FSTL5: variants seen among roughly 807,000 people sequenced by gnomAD.
FSTL5 encodes the protein follistatin like 5.
In FSTL5, 62 loss-of-function variants were observed where a neutral mutation model predicts 89.1. The ratio of observed to expected loss-of-function variants is 0.70; its 90% CI spans 0.57 to 0.86. The LOEUF (loss-of-function observed/expected upper bound fraction) is 0.86. Ranked by LOEUF, FSTL5 falls within the 40% of genes least tolerant of loss-of-function variation. The pLI is 0.00. For missense variants in FSTL5, 1,057 were observed against 1,001.6 expected, an observed-to-expected ratio of 1.06 and a Z score of -0.75; for synonymous variants, 383 against 346.2, an observed-to-expected ratio of 1.11 and a Z score of -1.18.
intron 1 of FSTL5, among the ~76,000 whole-genome samples, chr4:162,145,408 G>C (rs1274780092): frequency 6.6e-6 from 1 of 152,018 alleles, no homozygotes; most frequent in African/African-American, 2.4e-5. Context: ...AATATTTATA[G>C]TCATAATTGT....
rs553171454 is a variant in FSTL5, at chr4:162,033,626, T to G, written c.159A>C (p.Lys53Asn). The change falls in exon 3 of 16, where the codon AAA (lysine) becomes AAC (asparagine). Residue 53 changes from lysine to asparagine, a missense_variant and splice_region_variant. Physicochemically the swap from Lys to Asn is moderately conservative, Grantham distance 94. Around this residue, in one of 3 missense-constraint regions of FSTL5, gnomAD observed 980 missense variants for 903.2 expected, o/e 1.08. Transcript: ENST00000306100. The part of the protein sequence containing the change: ...QEKNQESSRV[K>N]GFMIQDGPFG... The stretch of plus-strand genomic sequence containing the variant: ...TATCTTAAAGCAATCATTTCTTACC[T>G]TTGACTCTTGAACTTTCTTGATTTT... 4.4e-5 allele frequency: 65 copies of G among 1,474,262 alleles called. No individual in the cohort carries two copies. In the South Asian group the frequency reaches 6.5e-4, roughly 15 times the overall value. 91.3% of individuals were successfully genotyped at this position (1,474,262 alleles called of 1,614,324 possible).
At chr4:161,749,816 T>C (rs954396402) in intron 6 of FSTL5, among the ~76,000 whole-genome samples, 1 of 150,576 alleles carries the variant, frequency 6.6e-6, no homozygotes, top group African/African-American at 2.4e-5. Context: ...TAAAAATAAA[T>C]AAATAAATAA....
chr4:162,142,935 C>T (rs1732805682), intron 1 of FSTL5, among the ~76,000 whole-genome samples: 1 of 152,104 alleles, frequency 6.6e-6, no homozygotes, highest in Non-Finnish European at 1.5e-5. Flanking sequence ...TAATACATTG[C>T]TTTGACACAC....
chr4:162,141,958 CATT>C (rs1732765967), intron 1 of FSTL5, among the ~76,000 whole-genome samples: 2 of 152,116 alleles, frequency 1.3e-5, no homozygotes, highest in Admixed American at 1.3e-4. Context: ...AGTATTCCAT[CATT>C]GAGAGCAGTG....
intron 6 of FSTL5, among the ~76,000 whole-genome samples, chr4:161,747,462 A>G (rs777388868): frequency 3.3e-5 from 5 of 152,198 alleles, no homozygotes; most frequent in South Asian, 2.1e-4. Context: ...AAGTGTTATT[A>G]TCATTAATGC....
chr4:162,026,304 C>CTTTTTGTTTTTTTTTTTTTTTTTTT (rs1737282030), intron 3 of FSTL5, among the ~76,000 whole-genome samples: 1 of 79,472 alleles, frequency 1.3e-5, no homozygotes, highest in Non-Finnish European at 2.2e-5. Flanking sequence ...TATGTATTTT[C>CTTTTTGTTTTTTTTTTTTTTTTTTT]TTTTTTTTTT....
chr4:161,975,211 T>G (rs969097609), intron 3 of FSTL5, among the ~76,000 whole-genome samples: 1 of 135,782 alleles, frequency 7.4e-6, no homozygotes, highest in Non-Finnish European at 1.6e-5. Flanking sequence ...CTCAGGGATC[T>G]AGAACTAGAA....
At chr4:161,959,525 C>T (rs1057435638) in intron 3 of FSTL5, among the ~76,000 whole-genome samples, 3 of 152,056 alleles carry the variant, frequency 2.0e-5, no homozygotes, top group Non-Finnish European at 2.9e-5. Flanking sequence ...AACAGAAGTT[C>T]TAATAACAGC....
intron 3 of FSTL5, among the ~76,000 whole-genome samples, chr4:161,941,601 T>A (rs1428313030): frequency 1.3e-5 from 2 of 151,852 alleles, no homozygotes; most frequent in Non-Finnish European, 2.9e-5. Flanking sequence ...GAAGACATAA[T>A]ACTTACAAAC....
At chr4:161,421,975 C>A (rs1230027424) in intron 15 of FSTL5, among the ~76,000 whole-genome samples, 3 of 152,014 alleles carry the variant, frequency 2.0e-5, no homozygotes, top group African/African-American at 7.3e-5. Context: ...ATTGCATGAA[C>A]CAATACCTTA....
At chr4:161,726,977 A>G (rs1739448426) in intron 6 of FSTL5, among the ~76,000 whole-genome samples, 1 of 151,746 alleles carries the variant, frequency 6.6e-6, no homozygotes, top group Non-Finnish European at 1.5e-5. Context: ...GCATTAAAAT[A>G]TAATAAGAAA....
At chr4:161,929,179 T>C (rs1052505558) in intron 3 of FSTL5, among the ~76,000 whole-genome samples, 1 of 151,384 alleles carries the variant, frequency 6.6e-6, no homozygotes, top group African/African-American at 2.4e-5. Flanking sequence ...TTTTTAAATA[T>C]GGATATCCAG....
chr4:161,965,256 C>T (rs929371378), intron 3 of FSTL5, among the ~76,000 whole-genome samples: 3 of 152,078 alleles, frequency 2.0e-5, no homozygotes, highest in African/African-American at 4.8e-5. Context: ...GACACTTTTA[C>T]AAGTTATCCA....
intron 7 of FSTL5, among the ~76,000 whole-genome samples, chr4:161,601,592 A>T (rs1459848084): frequency 6.6e-6 from 1 of 152,122 alleles, no homozygotes; most frequent in Non-Finnish European, 1.5e-5. Flanking sequence ...GAACCAGCAA[A>T]CAAGCAAGCA....
chr4:161,551,861 TAGAC>T (rs1349836567), intron 8 of FSTL5, among the ~76,000 whole-genome samples: 7 of 152,012 alleles, frequency 4.6e-5, no homozygotes, highest in Non-Finnish European at 1.0e-4. Flanking sequence ...ACTTAAACGT[TAGAC>T]CTAAAACCAT....
intron 13 of FSTL5, among the ~76,000 whole-genome samples, chr4:161,475,049 GT>G (rs1449350939): frequency 8.6e-6 from 1 of 116,762 alleles, no homozygotes; most frequent in Non-Finnish European, 1.7e-5. Flanking sequence ...TTTTTGTCTT[GT>G]AGTATGCCGA....
intron 8 of FSTL5, among the ~76,000 whole-genome samples, chr4:161,554,801 G>A (rs533302020): frequency 6.6e-6 from 1 of 151,768 alleles, no homozygotes; most frequent in Admixed American, 6.6e-5. Flanking sequence ...AAGTAGTGCT[G>A]ACTCACAGCG....
chr4:161,696,309 T>C (rs1738163516), intron 6 of FSTL5, among the ~76,000 whole-genome samples: 1 of 152,234 alleles, frequency 6.6e-6, no homozygotes, highest in South Asian at 2.1e-4. Context: ...TTCTGTTCCA[T>C]TGGCCTTTAT....
chr4:161,857,469 C>T (rs1420466523), intron 4 of FSTL5, among the ~76,000 whole-genome samples: 1 of 152,074 alleles, frequency 6.6e-6, no homozygotes, highest in Non-Finnish European at 1.5e-5. Context: ...CTACATTATA[C>T]TTATCTGGCT....
Sources: allele counts gnomAD v4.1 joint callset (sites outside exome capture counted in the v4.1 genomes callset), GRCh38; gene constraint gnomAD v4.1.1; regional missense constraint gnomAD v4.1.1; transcripts MANE v1.5; gene names NCBI Gene and HGNC (gene_info 2026-07-23, HGNC 2026-07-21).